The following TP53I13 variants were observed in gnomAD, a reference collection of about 807,000 sequenced individuals.
TP53I13 encodes tumor protein p53-inducible protein 13.
TP53I13 carries 27 observed loss-of-function variants against 39.1 expected under a neutral mutation model. That is an observed-to-expected ratio of 0.69 (90% CI 0.51 to 0.95). The LOEUF (loss-of-function observed/expected upper bound fraction) is 0.95, where lower values mean the gene tolerates loss of function less well. Ranked by LOEUF, TP53I13 falls within the 40% of genes least tolerant of loss-of-function variation. TP53I13 has a pLI of 0.00. For missense variants in TP53I13, 544 were observed against 520.4 expected, an observed-to-expected ratio of 1.05 and a Z score of -0.44; for synonymous variants, 230 against 224.6, an observed-to-expected ratio of 1.02 and a Z score of -0.22.
At chr17:29,574,921 G>T (rs769509316), downstream of TP53I13, 14 of 1,552,850 alleles carry the variant, frequency 9.0e-6, no homozygotes, top group East Asian at 4.8e-5. Flanking sequence ...GCCTCTGGAG[G>T]GGGCAGGAGT....
upstream of TP53I13, chr17:29,568,394 T>C (rs1255401523): frequency 6.6e-6 from 1 of 152,322 alleles, no homozygotes; most frequent in Non-Finnish European, 1.5e-5. This position sits in a 1 kb window ranked among gnomAD's most constrained non-coding sequence, Gnocchi z 4.5. Flanking sequence ...CACGATCTCA[T>C]CCAGGCGCTG....
intron 4 of TP53I13, 53 bp from the exon 5 acceptor site, chr17:29,571,804 C>T (rs1246643637): frequency 6.2e-7 from 1 of 1,612,952 alleles, no homozygotes; most frequent in African/African-American, 1.3e-5. Context: ...CAAGGGTTTC[C>T]TCTTGTTTGT....
upstream of TP53I13, chr17:29,566,676 C>T (rs753855054): frequency 3.1e-6 from 5 of 1,596,250 alleles, no homozygotes; most frequent in Non-Finnish European, 3.4e-6. Flanking sequence ...ACCAGGAGCG[C>T]GGGCCGGCCT....
At chr17:29,576,191 C>T (rs775613001), downstream of TP53I13, 4 of 1,609,358 alleles carry the variant, frequency 2.5e-6, no homozygotes, top group South Asian at 1.1e-5. Flanking sequence ...ACCCATCTCC[C>T]CACACCTTGA....
At chr17:29,575,490 AACAGAG>A, downstream of TP53I13, 1 of 1,592,578 alleles carries the variant, frequency 6.3e-7, no homozygotes, top group African/African-American at 1.4e-5. The surrounding 1 kb of genome is among the most constrained non-coding windows in gnomAD (Gnocchi z 5.5). Context: ...AGGTCCAGAA[AACAGAG>A]ACAAAGATAC....
At chr17:29,572,772 C>G in intron 6 of TP53I13, 40 bp from the exon 7 acceptor site, 2 of 1,519,394 alleles carry the variant, frequency 1.3e-6, no homozygotes, top group South Asian at 1.2e-5. Flanking sequence ...CGTAGCTTCC[C>G]TGCCCTCCCG....
chr17:29,566,994 G>C, upstream of TP53I13: 1 of 1,285,902 alleles, frequency 7.8e-7, no homozygotes, highest in Non-Finnish European at 9.8e-7. Flanking sequence ...CCGGCGGGCA[G>C]CGGGCGGCGG....
chr17:29,573,054 C>G lies in TP53I13; in HGVS notation c.*130C>G, dbSNP rs915619288. The G allele has an allele frequency of 1.4e-6, 1 of 711,752 alleles. No homozygotes were observed. 44.1% of individuals were successfully genotyped at this position (711,752 alleles called of 1,614,324 possible). On this transcript the variant is annotated 3_prime_UTR_variant, in exon 7 of 7. Coordinates refer to ENST00000301057, the MANE Select transcript of TP53I13 (RefSeq NM_138349.4). ...CGGCACTGGCCGAGCACTGCGGGGG[C>G]TTTCCTCCTTGTTGGTTGCTGAGTG...
chr17:29,566,928 G>A (rs1426287979), upstream of TP53I13: 18 of 1,456,444 alleles, frequency 1.2e-5, no homozygotes, highest in Non-Finnish European at 1.6e-5. Context: ...GGGCGAGCAC[G>A]GCCAAGATGA....
At chr17:29,582,133 C>G in the TP53I13 span, 1 of 1,575,782 alleles carries the variant, frequency 6.3e-7, no homozygotes, top group Non-Finnish European at 8.6e-7. Context: ...TCCGCACGCT[C>G]GAGTGTAGTT....
chr17:29,566,473 T>C (rs770698577), upstream of TP53I13: 4 of 1,612,012 alleles, frequency 2.5e-6, no homozygotes, highest in African/African-American at 2.7e-5. Flanking sequence ...ACCCCACGCA[T>C]TGGGGATCAC....
chr17:29,569,261 C>CCA (rs2032833157), intron 2 of TP53I13, 57 bp from the exon 3 acceptor site: 19 of 1,575,944 alleles, frequency 1.2e-5, no homozygotes, highest in Admixed American at 5.2e-5. Flanking sequence ...CCCCTCCCCA[C>CCA]CACACACACA....
downstream of TP53I13, chr17:29,576,329 CGGTGTGTGCTCCCGCCTGGCGCCATG>C: frequency 6.2e-7 from 1 of 1,613,176 alleles, no homozygotes; most frequent in Non-Finnish European, 8.5e-7. Context: ...GCGATCCCTG[CGGTGTGTGCTCCCGCCTGGCGCCATG>C]GGTGTGTGTT....
downstream of TP53I13, among the ~76,000 whole-genome samples, chr17:29,577,922 C>T (rs145334438): frequency 2.6e-3 from 401 of 152,336 alleles, 1 homozygote; most frequent in African/African-American, 8.9e-3. Context: ...TGGGCGTGGC[C>T]GGCTGGGGAC....
chr17:29,572,754 C>T (rs995179178), intron 6 of TP53I13, 57 bp downstream of exon 6: 2 of 1,500,642 alleles, frequency 1.3e-6, no homozygotes, highest in Admixed American at 4.2e-5. Flanking sequence ...GCGTCGCCCG[C>T]CGCCCCCCGT....
In TP53I13 at chr17:29,572,295, C is replaced by A; in HGVS notation, c.667C>A (p.Pro223Thr). 6.2e-7 allele frequency: 1 copy of A among 1,612,914 alleles called. No homozygotes were observed. Among genetic ancestry groups the A allele is most frequent in the Non-Finnish European group, 8.5e-7 (1 of 1,179,942 alleles). The change falls in exon 6 of 7, where the codon CCC becomes ACC. Residue 223 changes from proline to threonine, a missense_variant. Physicochemically the swap from Pro to Thr is conservative, Grantham distance 38 (BLOSUM62 -1). Transcript: ENST00000301057. ...GCCCACTCGCTCAGCCCTGAGGTTT[C>A]CCTCTGCTTCCCCAGGGAGCTTGAA... ...PQPTRSALRF[P>T]SASPGSLKAK... is the part of the protein sequence containing the mutation.
chr17:29,579,276 C>A, the TP53I13 span: 1 of 492,110 alleles, frequency 2.0e-6, no homozygotes, highest in Non-Finnish European at 3.6e-6. Flanking sequence ...TCCTCAATCA[C>A]CTGTTGCCTG....
chr17:29,581,878 TC>T, the TP53I13 span: 1 of 1,608,338 alleles, frequency 6.2e-7, no homozygotes, highest in Non-Finnish European at 8.5e-7. This position sits in a 1 kb window ranked among gnomAD's most constrained non-coding sequence, Gnocchi z 4.8. Flanking sequence ...GCAGCAGCCC[TC>T]ACCCACACCC....
At chr17:29,580,110 C>G in the TP53I13 span, among the ~76,000 whole-genome samples, 11 of 152,316 alleles carry the variant, frequency 7.2e-5, no homozygotes, top group African/African-American at 2.6e-4. Context: ...ACTAGAATCA[C>G]CTGGCTAGGC....
Sources: allele counts gnomAD v4.1 joint callset (sites outside exome capture counted in the v4.1 genomes callset), GRCh38; gene constraint gnomAD v4.1.1; non-coding constraint Gnocchi (gnomAD v3.1); transcripts MANE v1.5; gene names NCBI Gene and HGNC (gene_info 2026-07-23, HGNC 2026-07-21).